DPP10: variants seen among roughly 807,000 people sequenced by gnomAD.
DPP10 encodes inactive dipeptidyl peptidase 10.
A neutral mutation model predicts 120.9 loss-of-function variants in DPP10; 33 were observed. The observed-to-expected ratio is 0.27, with a 90% CI of 0.21 to 0.37. DPP10 has a LOEUF of 0.37. Ranked by LOEUF, DPP10 falls within the 10% of genes least tolerant of loss-of-function variation. The pLI, the probability that DPP10 is intolerant of heterozygous loss-of-function variation, is 1.00. For missense variants in DPP10, 816 were observed against 942.8 expected (o/e 0.87, Z 1.76); for synonymous variants, 337 against 326.1 (o/e 1.03, Z -0.36).
intron 2 of DPP10, among the ~76,000 whole-genome samples, chr2:115,317,875 A>G (rs2061871932): frequency 6.6e-6 from 1 of 152,050 alleles, no homozygotes; most frequent in South Asian, 2.1e-4. Context: ...ATCTCTTGTC[A>G]GAAACATATT....
At chr2:114,539,697 A>G (rs1030577404) in intron 1 of DPP10, among the ~76,000 whole-genome samples, 35 of 152,196 alleles carry the variant, frequency 2.3e-4, no homozygotes, top group Non-Finnish European at 4.1e-4. Flanking sequence ...TCAGCACATC[A>G]TACTGCACCT....
chr2:115,672,838 C>T (rs535909540), intron 5 of DPP10, among the ~76,000 whole-genome samples: 24 of 151,732 alleles, frequency 1.6e-4, no homozygotes, highest in Admixed American at 4.6e-4. Flanking sequence ...CCTCCGCCAC[C>T]TGGGTTCAAG....
intron 1 of DPP10, among the ~76,000 whole-genome samples, chr2:114,699,292 CGTGTGT>C (rs5833558): frequency 2.7e-5 from 4 of 148,872 alleles, no homozygotes; most frequent in African/African-American, 1.0e-4. Context: ...TATACATATG[CGTGTGT>C]GTGTGTGTGT....
intron 1 of DPP10, among the ~76,000 whole-genome samples, chr2:115,215,010 A>G (rs2056735172): frequency 6.6e-6 from 1 of 152,204 alleles, no homozygotes; most frequent in South Asian, 2.1e-4. Context: ...TACAGGGACA[A>G]AAATTTTAAC....
intron 1 of DPP10, among the ~76,000 whole-genome samples, chr2:114,660,399 A>G (rs1697311185): frequency 1.3e-5 from 2 of 152,320 alleles, no homozygotes; most frequent in South Asian, 4.2e-4. Context: ...AAAATCAGCA[A>G]TCACACAAGA....
At chr2:114,858,292 G>C (rs759693077) in intron 1 of DPP10, among the ~76,000 whole-genome samples, 1 of 152,124 alleles carries the variant, frequency 6.6e-6, no homozygotes, top group African/African-American at 2.4e-5. Context: ...CCCCGCCGCC[G>C]CTTGGCGTTT....
chr2:115,789,281 GA>G (rs1683683441), intron 17 of DPP10, among the ~76,000 whole-genome samples: 1 of 152,162 alleles, frequency 6.6e-6, no homozygotes, highest in South Asian at 2.1e-4. Flanking sequence ...TAGAAAGTAT[GA>G]TAGTTTGTTA....
chr2:115,389,020 A>G (rs1369994994), intron 3 of DPP10, among the ~76,000 whole-genome samples: 1 of 152,186 alleles, frequency 6.6e-6, no homozygotes, highest in Non-Finnish European at 1.5e-5. Context: ...AAGGGAAAAT[A>G]CATATAACTT....
chr2:115,795,747 T>A (rs562863690), intron 19 of DPP10, among the ~76,000 whole-genome samples: 2 of 152,320 alleles, frequency 1.3e-5, no homozygotes, highest in Non-Finnish European at 1.5e-5. Context: ...ACATCATTGC[T>A]GGTTTGTTAT....
chr2:114,497,284 TATAC>T (rs1682683356), intron 1 of DPP10, among the ~76,000 whole-genome samples: 3 of 64,962 alleles, frequency 4.6e-5, no homozygotes, highest in Non-Finnish European at 7.8e-5. Flanking sequence ...TGTATACGTG[TATAC>T]ATGTACATGT....
At chr2:115,568,577 T>G (rs1442354382) in intron 5 of DPP10, among the ~76,000 whole-genome samples, 1 of 151,398 alleles carries the variant, frequency 6.6e-6, no homozygotes, top group Non-Finnish European at 1.5e-5. Context: ...ATTTTTAAAG[T>G]TCATTTTTTG....
chr2:114,487,868 G>T (rs1016193960), intron 1 of DPP10, among the ~76,000 whole-genome samples: 1 of 152,172 alleles, frequency 6.6e-6, no homozygotes, highest in Non-Finnish European at 1.5e-5. Flanking sequence ...AATCGGAAGT[G>T]ATTTCTAGAT....
chr2:115,365,929 T>C (rs2065052515), intron 3 of DPP10, among the ~76,000 whole-genome samples: 1 of 152,020 alleles, frequency 6.6e-6, no homozygotes, highest in African/African-American at 2.4e-5. Flanking sequence ...TTCCTTCTTA[T>C]TTATGTTACT....
intron 5 of DPP10, among the ~76,000 whole-genome samples, chr2:115,617,633 C>T (rs1172488936): frequency 6.6e-6 from 1 of 151,930 alleles, no homozygotes; most frequent in African/African-American, 2.4e-5. Flanking sequence ...CATTAACATA[C>T]TGTCCTAGGA....
chr2:114,886,807 T>C (rs935258260), intron 1 of DPP10, among the ~76,000 whole-genome samples: 4 of 152,196 alleles, frequency 2.6e-5, no homozygotes, highest in Non-Finnish European at 5.9e-5. Flanking sequence ...TTGCTCTGGC[T>C]GTACTCACAG....
chr2:115,198,701 C>T (rs959921803), intron 1 of DPP10, among the ~76,000 whole-genome samples: 13 of 152,106 alleles, frequency 8.5e-5, no homozygotes, highest in African/African-American at 3.1e-4. Flanking sequence ...CTCTGCTCAT[C>T]CCCCCAGCCC....
In DPP10 at chr2:114,556,880, C is replaced by T. The variant is rs752714906; in HGVS notation, c.60+114042C>T. 7.2e-5 allele frequency among the ~76,000 whole-genome samples: 11 copies of T among 152,000 alleles called. No homozygotes were observed. The South Asian group carries it at 8.3e-4, about 11-fold the overall frequency. On this transcript the variant is annotated intron_variant, in intron 1 of 25. Coordinates refer to ENST00000410059, the MANE Select transcript of DPP10 (RefSeq NM_020868.6). ...AGATGACAGAGAATTAAACATTTTC[C>T]TTGAGAAGGGATACAGTTACCGATT... is the stretch of plus-strand genomic sequence containing the variant.
chr2:114,503,282 T>C (rs1683353138), intron 1 of DPP10, among the ~76,000 whole-genome samples: 1 of 152,210 alleles, frequency 6.6e-6, no homozygotes, highest in Non-Finnish European at 1.5e-5. Context: ...ACAGTGGTTT[T>C]CTTTGATATA....
intron 3 of DPP10, among the ~76,000 whole-genome samples, chr2:115,408,152 A>T (rs2068669015): frequency 6.6e-6 from 1 of 152,058 alleles, no homozygotes; most frequent in Admixed American, 6.6e-5. Flanking sequence ...AAGGGGACTT[A>T]GGTGATAGGA....
Sources: allele counts gnomAD v4.1 joint callset (sites outside exome capture counted in the v4.1 genomes callset), GRCh38; gene constraint gnomAD v4.1.1; transcripts MANE v1.5; gene names NCBI Gene and HGNC (gene_info 2026-07-23, HGNC 2026-07-21).